Variants in PLCB1 observed in about 807,000 individuals in gnomAD.
PLCB1 encodes the protein 1-phosphatidylinositol 4,5-bisphosphate phosphodiesterase beta-1.
PLCB1 carries 46 observed loss-of-function variants against 161.8 expected under a neutral mutation model. That is an observed-to-expected ratio of 0.28 (90% CI 0.22 to 0.36). The LOEUF is 0.36. PLCB1 is among the 10% of genes least tolerant of loss of function. The probability of loss-of-function intolerance (pLI) is 1.00; values close to 1 mark genes in which losing one functional copy is unlikely to be tolerated. For synonymous variants in PLCB1, 517 were observed against 503.7 expected (o/e 1.03, Z -0.35); for missense variants, 1,016 against 1,472.5 (o/e 0.69, Z 5.07).
chr20:8,182,959 A>G (rs1007733131), intron 2 of PLCB1, among the ~76,000 whole-genome samples: 1 of 143,374 alleles, frequency 7.0e-6, no homozygotes, highest in Admixed American at 7.3e-5. Flanking sequence ...GAATAACCAC[A>G]AATATGACTC....
intron 31 of PLCB1, among the ~76,000 whole-genome samples, chr20:8,801,750 T>C (rs1255174112): frequency 6.6e-6 from 1 of 152,196 alleles, no homozygotes; most frequent in Non-Finnish European, 1.5e-5. Flanking sequence ...CTCAAGTTTC[T>C]TGATGGTAGT....
intron 3 of PLCB1, among the ~76,000 whole-genome samples, chr20:8,400,805 GT>G (rs552813557): frequency 6.6e-6 from 1 of 151,998 alleles, no homozygotes; most frequent in Admixed American, 6.6e-5. Flanking sequence ...ATTGTTTCCG[GT>G]TTTTTGCTGC....
intron 3 of PLCB1, among the ~76,000 whole-genome samples, chr20:8,511,785 A>AT (rs1983904104): frequency 6.6e-6 from 1 of 152,130 alleles, no homozygotes; most frequent in African/African-American, 2.4e-5. Context: ...GATATTGAGC[A>AT]TTTTTTCATA....
intron 3 of PLCB1, among the ~76,000 whole-genome samples, chr20:8,561,352 C>CA (rs1326976089): frequency 6.6e-6 from 1 of 151,844 alleles, no homozygotes; most frequent in African/African-American, 2.4e-5. Context: ...GCAACTCATG[C>CA]AGGGGGATTA....
chr20:8,811,271 C>A (rs1984808430), intron 31 of PLCB1, among the ~76,000 whole-genome samples: 1 of 152,164 alleles, frequency 6.6e-6, no homozygotes, highest in Non-Finnish European at 1.5e-5. Context: ...GAACAGGAGA[C>A]AGCTTATCTA....
rs2719766 is a variant in PLCB1, at chr20:8,360,969, C to A, written c.178-10413C>A. 4.6e-3 allele frequency among the ~76,000 whole-genome samples: 698 copies of A among 152,212 alleles called. 7 individuals carry two copies. Among genetic ancestry groups the A allele is most frequent in the African/African-American group, 0.016 (660 of 41,516 alleles). On this transcript the variant is annotated intron_variant, in intron 2 of 31. Coordinates refer to ENST00000338037, the MANE Select transcript of PLCB1 (RefSeq NM_015192.4). ...TAACCAATCAGCTACTAAGGTAAAG[C>A]AAGGATAAATGCCGTCTATCTATAC...
At chr20:8,572,890 G>T (rs1178158856) in intron 3 of PLCB1, among the ~76,000 whole-genome samples, 1 of 152,118 alleles carries the variant, frequency 6.6e-6, no homozygotes, top group Non-Finnish European at 1.5e-5. Flanking sequence ...GGGAGAGCTG[G>T]TGAAAGGTCA....
chr20:8,275,735 C>T (rs1982509036), intron 2 of PLCB1, among the ~76,000 whole-genome samples: 2 of 152,164 alleles, frequency 1.3e-5, no homozygotes, highest in African/African-American at 4.8e-5. Context: ...TTAACCTAAG[C>T]CCGGAAAGTT....
chr20:8,238,008 A>T (rs17345624), intron 2 of PLCB1, among the ~76,000 whole-genome samples: 2,144 of 152,230 alleles, frequency 0.014, 47 homozygotes, highest in African/African-American at 0.048. Flanking sequence ...TTTTCTAAGA[A>T]TTTAAAATTA....
intron 31 of PLCB1, among the ~76,000 whole-genome samples, chr20:8,796,311 A>G (rs769903892): frequency 6.6e-6 from 1 of 152,122 alleles, no homozygotes; most frequent in Non-Finnish European, 1.5e-5. Context: ...CCTCTGCTTG[A>G]AGTTAGTCTT....
rs573366666 is a variant in PLCB1, at chr20:8,882,147, A to T, written c.*298A>T. 2 of 309,204 alleles carry T rather than the reference A, an allele frequency of 6.5e-6. No individual in the cohort carries two copies. The highest frequency in any genetic ancestry group is 4.2e-5 in the African/African-American group (2 of 47,344). The allele number at this position is 309,204 out of a possible 1,614,324, so 19.2% of individuals were successfully genotyped here. The stretch of plus-strand genomic sequence containing the variant: ...GCAGGCTCCATGGAACTTTTAATGA[A>T]GGACAGTGTCTTCTTTGAAGAAAAT... On this transcript the variant is annotated 3_prime_UTR_variant, in exon 32 of 32. Transcript: ENST00000338037.
intron 2 of PLCB1, among the ~76,000 whole-genome samples, chr20:8,175,292 T>A (rs1212038999): frequency 3.3e-5 from 5 of 151,656 alleles, no homozygotes; most frequent in African/African-American, 1.2e-4. Context: ...CTCTAATATG[T>A]GAATAAATAC....
intron 31 of PLCB1, among the ~76,000 whole-genome samples, chr20:8,798,848 C>T (rs1269001286): frequency 2.0e-5 from 3 of 151,988 alleles, no homozygotes; most frequent in South Asian, 2.1e-4. Flanking sequence ...ACAGTTGGCA[C>T]AATAAGAAGC....
At chr20:8,533,298 A>C (rs1267985031) in intron 3 of PLCB1, among the ~76,000 whole-genome samples, 2 of 150,840 alleles carry the variant, frequency 1.3e-5, no homozygotes, top group South Asian at 2.1e-4. Flanking sequence ...AGTCTTTGCT[A>C]TTGTGAATAA....
intron 31 of PLCB1, among the ~76,000 whole-genome samples, chr20:8,836,350 A>T (rs763474946): frequency 5.4e-5 from 8 of 147,162 alleles, no homozygotes; most frequent in Non-Finnish European, 1.1e-4. Context: ...TGACTGGTCC[A>T]CAGGGTGCCC....
At chr20:8,749,955 A>T (rs950117051) in intron 23 of PLCB1, among the ~76,000 whole-genome samples, 24 of 19,068 alleles carry the variant, frequency 1.3e-3, no homozygotes, top group Admixed American at 0.01. Flanking sequence ...TTCATTCAAT[A>T]TTTTTTTTTT....
intron 2 of PLCB1, among the ~76,000 whole-genome samples, chr20:8,234,115 A>G (rs1980205753): frequency 6.6e-6 from 1 of 152,058 alleles, no homozygotes; most frequent in Admixed American, 6.6e-5. Flanking sequence ...AGTTATAGGC[A>G]TTTGTGGGAT....
In PLCB1 at chr20:8,714,655, G is replaced by A. The variant is rs189456142; in HGVS notation, c.1251-1609G>A. On this transcript the variant is annotated intron_variant, in intron 12 of 31. Coordinates refer to ENST00000338037, the MANE Select transcript of PLCB1 (RefSeq NM_015192.4). ...AATGTGGCAGTGTATTCTGATGGCC[G>A]CATAAGCCATTTAGTAAGCTCCCAT... is the stretch of plus-strand genomic sequence containing the variant. Among the ~76,000 whole-genome samples, 462 of 152,220 alleles carry A rather than the reference G, an allele frequency of 3.0e-3. 5 individuals carry two copies. The highest frequency in any genetic ancestry group is 0.024 in the Admixed American group (361 of 15,292).
At chr20:8,582,394 G>A (rs1986862184) in intron 3 of PLCB1, among the ~76,000 whole-genome samples, 2 of 152,110 alleles carry the variant, frequency 1.3e-5, no homozygotes, top group African/African-American at 4.8e-5. Flanking sequence ...GGTGTCAAAG[G>A]TCAGGCTTTT....
Sources: allele counts gnomAD v4.1 joint callset (sites outside exome capture counted in the v4.1 genomes callset), GRCh38; gene constraint gnomAD v4.1.1; transcripts MANE v1.5; gene names NCBI Gene and HGNC (gene_info 2026-07-23, HGNC 2026-07-21).